Variants in VTI1A observed in about 807,000 individuals in gnomAD.
The protein encoded by VTI1A is vesicle transport through interaction with t-SNAREs homolog 1A.
A neutral mutation model predicts 34.9 loss-of-function variants in VTI1A; 22 were observed. The ratio of observed to expected loss-of-function variants is 0.63; its 90% CI spans 0.45 to 0.90. The LOEUF is 0.90. Among genes scored for constraint, VTI1A ranks in the 40% least tolerant of loss-of-function variants. VTI1A has a pLI of 0.00. For synonymous variants in VTI1A, 87 were observed against 97.3 expected, an observed-to-expected ratio of 0.89 and a Z score of 0.62; for missense variants, 268 against 275.6, an observed-to-expected ratio of 0.97 and a Z score of 0.20.
At chr10:112,686,945 C>G (rs1323252659) in intron 7 of VTI1A, among the ~76,000 whole-genome samples, 1 of 152,108 alleles carries the variant, frequency 6.6e-6, no homozygotes, top group Non-Finnish European at 1.5e-5. Context: ...AGCTGGTGCC[C>G]AAATGCCTCC....
chr10:112,615,584 G>C (rs1373403374), intron 5 of VTI1A, among the ~76,000 whole-genome samples: 1 of 152,172 alleles, frequency 6.6e-6, no homozygotes, highest in African/African-American at 2.4e-5. Context: ...AATGGAAATA[G>C]ACATTAAAAT....
Position 112,538,195 on chromosome 10 carries a change from G to T in VTI1A, c.343-51G>T, listed in dbSNP as rs112951549. On this transcript the variant is annotated intron_variant, in intron 4 of 7. Transcript: ENST00000393077. ...CATTTTTTTTTTAAGGCAAAAAAAA[G>T]AACATTGTAGACGGCCGTCTGATTT... is the stretch of plus-strand genomic sequence containing the variant. 3 of 1,526,778 alleles carry T rather than the reference G, an allele frequency of 2.0e-6. No individual in the cohort carries two copies. The South Asian group carries it at 3.5e-5, about 18-fold the overall frequency. The allele number at this position is 1,526,778 out of a possible 1,614,324, so 94.6% of individuals were successfully genotyped here. A position where few individuals can be genotyped will look rare whatever the true frequency, so the allele number is the denominator to read the frequency against.
chr10:112,623,823 G>A (rs1054003533), intron 5 of VTI1A, among the ~76,000 whole-genome samples: 2 of 152,186 alleles, frequency 1.3e-5, no homozygotes, highest in African/African-American at 4.8e-5. Flanking sequence ...GGGAAAGGGG[G>A]AAAATTGCCT....
chr10:112,610,645 G>C (rs7094567), intron 5 of VTI1A, among the ~76,000 whole-genome samples: 2 of 152,164 alleles, frequency 1.3e-5, no homozygotes, highest in African/African-American at 4.8e-5. Flanking sequence ...GGCCGGGCGC[G>C]GTGGCTCATG....
intron 7 of VTI1A, among the ~76,000 whole-genome samples, chr10:112,781,229 G>A (rs1375085242): frequency 6.6e-6 from 1 of 152,076 alleles, no homozygotes; most frequent in East Asian, 2.0e-4. Flanking sequence ...ACAGGCATGA[G>A]CCACCGCGCC....
Position 112,767,769 on chromosome 10 carries a change from A to G in VTI1A, c.561-47521A>G, listed in dbSNP as rs528134807. On this transcript the variant is annotated intron_variant, in intron 7 of 7. Coordinates refer to ENST00000393077, the MANE Select transcript of VTI1A (RefSeq NM_145206.4). This position sits in a 1 kb window ranked among gnomAD's most constrained non-coding sequence, Gnocchi z 4.0. ...AATTTTTAAAATTGTTTGAAGACCA[A>G]TGGGACATGTAACTAACTTATTTTA... Among the ~76,000 whole-genome samples, 30 of 152,140 alleles carry G rather than the reference A, an allele frequency of 2.0e-4. No individual in the cohort carries two copies. The highest frequency in any genetic ancestry group is 5.8e-4 in the African/African-American group (24 of 41,500).
Position 112,815,523 on chromosome 10 carries a change from A to G in VTI1A, c.*140A>G, listed in dbSNP as rs1027492021. The G allele has an allele frequency of 1.2e-5, 8 of 667,834 alleles. No homozygotes were observed. The African/African-American group carries it at 1.4e-4, about 12-fold the overall frequency. 41.4% of individuals were successfully genotyped at this position (667,834 alleles called of 1,614,324 possible). A position where few individuals can be genotyped will look rare whatever the true frequency, so the allele number is the denominator to read the frequency against. On this transcript the variant is annotated 3_prime_UTR_variant, in exon 8 of 8. Transcript: ENST00000393077. The stretch of plus-strand genomic sequence containing the variant: ...CCTCACCGCCGTTGGGCTGAAGTGC[A>G]AAGAGTGTAAAAATATTTTCTATTC...
At position 112,645,532 on chromosome 10, in the gene VTI1A, A is replaced by G. The variant is rs74823420; in HGVS notation, c.428-22686A>G. 5.1e-3 allele frequency among the ~76,000 whole-genome samples: 781 copies of G among 152,308 alleles called. 10 individuals carry two copies. The highest frequency in any genetic ancestry group is 0.018 in the African/African-American group (750 of 41,564). On this transcript the variant is annotated intron_variant, in intron 5 of 7. Transcript: ENST00000393077. ...ATTGAAGAAGGCGTCCACACTAATT[A>G]CATGGTCTTGAACTTCCTGCTTGTG...
chr10:112,835,096 C>T, the VTI1A span, among the ~76,000 whole-genome samples: 3 of 152,128 alleles, frequency 2.0e-5, no homozygotes, highest in Non-Finnish European at 2.9e-5. Flanking sequence ...GTGCGCTTCT[C>T]GACTGACATA....
intron 7 of VTI1A, among the ~76,000 whole-genome samples, chr10:112,794,651 G>A (rs760746037): frequency 3.9e-5 from 6 of 151,972 alleles, no homozygotes; most frequent in East Asian, 1.9e-4. Flanking sequence ...ATATCTTTCC[G>A]ATTTCTGTTT....
intron 3 of VTI1A, among the ~76,000 whole-genome samples, chr10:112,500,071 C>G (rs1409066645): frequency 6.6e-6 from 1 of 152,160 alleles, no homozygotes; most frequent in African/African-American, 2.4e-5. Context: ...TTCATAAAGC[C>G]TCAGTCTACC....
intron 7 of VTI1A, among the ~76,000 whole-genome samples, chr10:112,710,795 A>G (rs947496898): frequency 4.0e-5 from 6 of 151,858 alleles, no homozygotes; most frequent in Admixed American, 2.6e-4. Flanking sequence ...ATTGTTGTCC[A>G]TGTGTATCTG....
chr10:112,564,348 T>C (rs763056507), intron 5 of VTI1A, among the ~76,000 whole-genome samples: 10 of 151,950 alleles, frequency 6.6e-5, no homozygotes. Context: ...ACAGAAATAA[T>C]TTTCCGTGTA....
intron 5 of VTI1A, among the ~76,000 whole-genome samples, chr10:112,592,845 G>T (rs967859238): frequency 2.0e-5 from 3 of 152,230 alleles, no homozygotes; most frequent in Non-Finnish European, 4.4e-5. Flanking sequence ...GGTGTTAACC[G>T]AGTGAATCCT....
chr10:112,618,489 T>TTATA (rs1209916722), intron 5 of VTI1A, among the ~76,000 whole-genome samples: 22 of 74,352 alleles, frequency 3.0e-4, no homozygotes, highest in East Asian at 1.6e-3. Context: ...AATGATTATA[T>TTATA]TATATATATA....
rs370377487 is a variant in VTI1A at position 112,460,601 on chromosome 10, G to A, written c.153+19G>A. ...AGAACTGGTATGTACAGACAGTAATGTATTTTAACACACAGCCAGAGCCGT... is the reference window on the plus strand; with the variant it reads ...AGAACTGGTATGTACAGACAGTAATATATTTTAACACACAGCCAGAGCCGT... On this transcript the variant is annotated intron_variant, in intron 2 of 7. Coordinates refer to ENST00000393077, the MANE Select transcript of VTI1A (RefSeq NM_145206.4). 1.5e-5 allele frequency: 24 copies of A among 1,571,740 alleles called. No homozygotes were observed. Among genetic ancestry groups the A allele is most frequent in the Non-Finnish European group, 1.7e-5 (20 of 1,161,494 alleles).
intron 3 of VTI1A, among the ~76,000 whole-genome samples, chr10:112,489,434 G>A (rs1848750106): frequency 6.6e-6 from 1 of 152,094 alleles, no homozygotes; most frequent in Non-Finnish European, 1.5e-5. Flanking sequence ...CAGAATGTTT[G>A]TTTAAGTAAT....
At chr10:112,510,326 C>T (rs1849563489) in intron 3 of VTI1A, among the ~76,000 whole-genome samples, 1 of 152,174 alleles carries the variant, frequency 6.6e-6, no homozygotes, top group East Asian at 1.9e-4. Flanking sequence ...ATTGTTGTCC[C>T]AAAAACTTTT....
chr10:112,516,310 A>G (rs1396085271), intron 3 of VTI1A, among the ~76,000 whole-genome samples: 1 of 152,102 alleles, frequency 6.6e-6, no homozygotes, highest in Non-Finnish European at 1.5e-5. Flanking sequence ...CAGATATGAG[A>G]TATGCCTATA....
Sources: gnomAD v4.1 joint callset for allele counts (sites outside exome capture counted in the v4.1 genomes callset) on GRCh38, gnomAD v4.1.1 for gene constraint, Gnocchi (gnomAD v3.1) non-coding constraint, MANE v1.5 for transcripts, NCBI Gene and HGNC (gene_info 2026-07-23, HGNC 2026-07-21) for gene names.